Variants in IL1RAPL2 observed in about 807,000 individuals in gnomAD.
The protein encoded by IL1RAPL2 is X-linked interleukin-1 receptor accessory protein-like 2.
Under a neutral mutation model 44.1 loss-of-function variants are expected in IL1RAPL2, and 3 were observed. The observed-to-expected ratio is 0.07, with a 90% CI of 0.03 to 0.18. IL1RAPL2 has a LOEUF of 0.18. IL1RAPL2 is among the 10% of genes least tolerant of loss of function. IL1RAPL2 has a pLI of 1.00. For missense variants in IL1RAPL2, 391 were observed against 496.4 expected (o/e 0.79, Z 2.02); for synonymous variants, 181 against 178.8 (o/e 1.01, Z -0.10).
chrX:105,376,447 C>A (rs1032121514), intron 5 of IL1RAPL2, among the ~76,000 whole-genome samples: 6 of 111,901 alleles, frequency 5.4e-5, no homozygotes, highest in Non-Finnish European at 7.5e-5. Flanking sequence ...GGGAAAATCC[C>A]TTTTTCTGCT....
At chrX:105,495,820 C>A (rs1023544343) in intron 6 of IL1RAPL2, among the ~76,000 whole-genome samples, 9 of 111,158 alleles carry the variant, frequency 8.1e-5, no homozygotes, top group Admixed American at 7.7e-4. Flanking sequence ...CTCTCCCCGC[C>A]ACAACCATCT....
rs969539934 is a variant in IL1RAPL2 at position 104,916,585 on chromosome X, G to A, written c.82+257590G>A. Among the ~76,000 whole-genome samples the A allele has an allele frequency of 3.6e-5, 4 of 111,147 alleles. No homozygotes were observed. The Admixed American group carries it at 3.8e-4, about 11-fold the overall frequency. On this transcript the variant is annotated intron_variant, in intron 2 of 10. Transcript: ENST00000372582. ...TTCCTTCTCCTGCCTGATTGCCCTG[G>A]CCAGACCTTCCAACACTATGTTGAA... is the stretch of plus-strand genomic sequence containing the variant.
At chrX:104,899,459 G>A (rs1220389307) in intron 2 of IL1RAPL2, among the ~76,000 whole-genome samples, 1 of 111,610 alleles carries the variant, frequency 9.0e-6, no homozygotes, top group Non-Finnish European at 1.9e-5. Context: ...TTTTAAATTA[G>A]GAATATCAAT....
rs189343494 is a variant in IL1RAPL2, at chrX:105,757,637, A to G, written c.1363+2290A>G. 2.3e-3 allele frequency among the ~76,000 whole-genome samples: 255 copies of G among 111,510 alleles called. 1 individual carries two copies. Among genetic ancestry groups the G allele is most frequent in the African/African-American group, 7.6e-3 (235 of 30,735 alleles). On this transcript the variant is annotated intron_variant, in intron 10 of 10. Transcript: ENST00000372582. ...TAGGGGCTTGGATCTTGGGTCCTCAATGGTGCACAGGAAGACTCCTTTTAC... is the reference window on the plus strand; with the variant it reads ...TAGGGGCTTGGATCTTGGGTCCTCAGTGGTGCACAGGAAGACTCCTTTTAC...
chrX:105,073,981 T>A (rs780607790), intron 2 of IL1RAPL2, among the ~76,000 whole-genome samples: 1 of 111,486 alleles, frequency 9.0e-6, no homozygotes, highest in Non-Finnish European at 1.9e-5. Context: ...TTCTCTCCCA[T>A]TCTGTAGGTT....
At chrX:105,227,199 T>A (rs2034024996) in intron 3 of IL1RAPL2, among the ~76,000 whole-genome samples, 1 of 110,687 alleles carries the variant, frequency 9.0e-6, no homozygotes, top group Admixed American at 9.6e-5. Context: ...TGTGCACATG[T>A]ACCCTAAAAC....
chrX:105,665,243 A>G (rs775570914), intron 6 of IL1RAPL2, among the ~76,000 whole-genome samples: 21 of 111,377 alleles, frequency 1.9e-4, no homozygotes, highest in Non-Finnish European at 3.0e-4. Flanking sequence ...CATCAAGCAT[A>G]GTGGATTTTC....
At chrX:105,288,098 G>A (rs1355832154) in intron 5 of IL1RAPL2, among the ~76,000 whole-genome samples, 1 of 111,034 alleles carries the variant, frequency 9.0e-6, no homozygotes, top group Non-Finnish European at 1.9e-5. Context: ...GTGGAGTTGG[G>A]TTATTTTGGA....
At chrX:104,847,005 G>A (rs1249792645) in intron 2 of IL1RAPL2, among the ~76,000 whole-genome samples, 3 of 112,205 alleles carry the variant, frequency 2.7e-5, no homozygotes, top group African/African-American at 9.7e-5. Context: ...CTTTTGAGAA[G>A]TGTCTGTTCA....
At chrX:105,372,618 C>A (rs928907115) in intron 5 of IL1RAPL2, among the ~76,000 whole-genome samples, 15 of 110,729 alleles carry the variant, frequency 1.4e-4, no homozygotes, top group Admixed American at 1.2e-3. Flanking sequence ...TTTCCTGATC[C>A]TTTCCATGCT....
chrX:104,669,064 G>T (rs571379201), intron 2 of IL1RAPL2, among the ~76,000 whole-genome samples: 1 of 111,468 alleles, frequency 9.0e-6, no homozygotes, highest in African/African-American at 3.3e-5. Flanking sequence ...GAAGTTATGA[G>T]ACTGGCAAAT....
At chrX:105,358,441 C>G (rs1041095829) in intron 5 of IL1RAPL2, among the ~76,000 whole-genome samples, 1 of 107,814 alleles carries the variant, frequency 9.3e-6, no homozygotes, top group Non-Finnish European at 1.9e-5. Flanking sequence ...TCTGGAAGGC[C>G]GAGGCAGGCA....
At chrX:105,729,552 T>C (rs1274882270) in intron 7 of IL1RAPL2, among the ~76,000 whole-genome samples, 5 of 111,144 alleles carry the variant, frequency 4.5e-5, no homozygotes, top group Non-Finnish European at 5.7e-5. Flanking sequence ...GTTGTTAGTT[T>C]TTTTATGGTT....
At chrX:105,471,312 G>A (rs960623656) in intron 5 of IL1RAPL2, among the ~76,000 whole-genome samples, 1 of 112,219 alleles carries the variant, frequency 8.9e-6, no homozygotes, top group African/African-American at 3.2e-5. Context: ...AGACTCAGGT[G>A]TTAACACAGA....
rs756907879 is a variant in IL1RAPL2 at position 104,820,515 on chromosome X, C to T, written c.82+161520C>T. ...CTTGAGCCCTGGGCTAATTCTCATC[C>T]TAAAGCAGCAGGTTTTGAGCCTTGC... is the stretch of plus-strand genomic sequence containing the variant. On this transcript the variant is annotated intron_variant, in intron 2 of 10. Transcript: ENST00000372582. Among the ~76,000 whole-genome samples, 5 of 111,833 alleles carry T rather than the reference C, an allele frequency of 4.5e-5. No homozygotes were observed. The East Asian group carries it at 1.1e-3, about 25-fold the overall frequency.
intron 2 of IL1RAPL2, among the ~76,000 whole-genome samples, chrX:104,931,957 T>TGTGC (rs1273909240): frequency 6.2e-5 from 6 of 96,147 alleles, no homozygotes; most frequent in African/African-American, 2.2e-4. Flanking sequence ...AGTGTGTGTG[T>TGTGC]GTGTGTGTGT....
At chrX:104,775,410 T>C (rs1294673981) in intron 2 of IL1RAPL2, among the ~76,000 whole-genome samples, 1 of 112,225 alleles carries the variant, frequency 8.9e-6, no homozygotes, top group Non-Finnish European at 1.9e-5. Flanking sequence ...CAGTCTGTTA[T>C]GGTTCGCAGA....
intron 5 of IL1RAPL2, among the ~76,000 whole-genome samples, chrX:105,280,848 A>G (rs2034526317): frequency 1.8e-5 from 2 of 111,612 alleles, no homozygotes; most frequent in African/African-American, 6.5e-5. Flanking sequence ...TAGTTCAACC[A>G]TTGTGGAAGA....
chrX:105,293,328 A>G lies in IL1RAPL2; in HGVS notation c.697+25787A>G, dbSNP rs184382267. 6.2e-5 allele frequency among the ~76,000 whole-genome samples: 7 copies of G among 112,108 alleles called. No individual in the cohort carries two copies. In the East Asian group the frequency reaches 2.0e-3, roughly 32 times the overall value. Reference sequence around the variant, plus strand: ...TTTAATATTGTTTGAGCATCATTTCATATCAGTAATGATAGATATTTCACT... The same window carrying G: ...TTTAATATTGTTTGAGCATCATTTCGTATCAGTAATGATAGATATTTCACT... On this transcript the variant is annotated intron_variant, in intron 5 of 10. Transcript: ENST00000372582.
Sources: gnomAD v4.1 joint callset for allele counts (sites outside exome capture counted in the v4.1 genomes callset) on GRCh38, gnomAD v4.1.1 for gene constraint, MANE v1.5 for transcripts, NCBI Gene and HGNC (gene_info 2026-07-23, HGNC 2026-07-21) for gene names.